Variants in TRAPPC9 observed in about 807,000 individuals in gnomAD.
The protein encoded by TRAPPC9 is trafficking protein particle complex subunit 9, also known as IKK2 binding protein.
In TRAPPC9, 83 loss-of-function variants were observed where a neutral mutation model predicts 124.0. The observed-to-expected ratio is 0.67, with a 90% CI of 0.56 to 0.80. The LOEUF is 0.80. Among genes scored for constraint, TRAPPC9 ranks in the 30% least tolerant of loss-of-function variants. The pLI, the probability that TRAPPC9 is intolerant of heterozygous loss-of-function variation, is 0.00. For missense variants in TRAPPC9, 1,302 were observed against 1,508.3 expected (o/e 0.86, Z 2.27); for synonymous variants, 638 against 617.5 (o/e 1.03, Z -0.49).
intron 19 of TRAPPC9, among the ~76,000 whole-genome samples, chr8:139,952,457 A>T (rs1267798290): frequency 6.6e-6 from 1 of 152,228 alleles, no homozygotes; most frequent in Non-Finnish European, 1.5e-5. Context: ...TTTAAGGAAG[A>T]CTAAAGTAGA....
intron 9 of TRAPPC9, among the ~76,000 whole-genome samples, chr8:140,323,074 G>A (rs973908787): frequency 1.3e-5 from 2 of 152,154 alleles, no homozygotes; most frequent in Admixed American, 6.5e-5. Context: ...CACGGGGGAC[G>A]GGAGAGAGAC....
At chr8:140,352,485 A>G (rs2132130854) in intron 9 of TRAPPC9, among the ~76,000 whole-genome samples, 1 of 152,204 alleles carries the variant, frequency 6.6e-6, no homozygotes, top group South Asian at 2.1e-4. Context: ...TGAACGAGGA[A>G]CTGGCAGCCT....
intron 16 of TRAPPC9, among the ~76,000 whole-genome samples, chr8:140,240,079 T>C (rs2063823146): frequency 1.3e-5 from 2 of 152,244 alleles, no homozygotes; most frequent in African/African-American, 4.8e-5. Context: ...AGTGGAAGCA[T>C]CCGTTATCAT....
intron 18 of TRAPPC9, among the ~76,000 whole-genome samples, chr8:139,992,756 C>T (rs966697556): frequency 6.6e-6 from 1 of 151,094 alleles, no homozygotes; most frequent in Non-Finnish European, 1.5e-5. Flanking sequence ...ACAAAGCAGA[C>T]CCATGAATAT....
chr8:140,132,225 G>A (rs1355615080), intron 17 of TRAPPC9, among the ~76,000 whole-genome samples: 1 of 152,204 alleles, frequency 6.6e-6, no homozygotes, highest in Non-Finnish European at 1.5e-5. Flanking sequence ...TCCAAAGGCT[G>A]CAGAAGTTGG....
At chr8:140,338,332 C>A (rs948014136) in intron 9 of TRAPPC9, among the ~76,000 whole-genome samples, 3 of 152,184 alleles carry the variant, frequency 2.0e-5, no homozygotes, top group Non-Finnish European at 4.4e-5. Flanking sequence ...CGCTCCATTA[C>A]CACTTCCAAA....
chr8:140,253,773 C>A (rs966442007), intron 15 of TRAPPC9, among the ~76,000 whole-genome samples: 6 of 152,128 alleles, frequency 3.9e-5, no homozygotes, highest in Non-Finnish European at 5.9e-5. Flanking sequence ...GGCAAATACA[C>A]CATGGTCTTT....
chr8:139,789,531 G>A (rs894707408), intron 21 of TRAPPC9, among the ~76,000 whole-genome samples: 4 of 152,142 alleles, frequency 2.6e-5, no homozygotes, highest in Non-Finnish European at 4.4e-5. Flanking sequence ...AGGGAGGGGC[G>A]AGTGCCTCTC....
intron 18 of TRAPPC9, chr8:140,008,413 G>C (rs1281545972): frequency 1.3e-5 from 2 of 152,252 alleles, no homozygotes; most frequent in African/African-American, 4.8e-5. Context: ...CGAAGGATTC[G>C]CCGACTGGGC....
chr8:140,374,062 T>C (rs2068363359), intron 7 of TRAPPC9, among the ~76,000 whole-genome samples: 1 of 152,278 alleles, frequency 6.6e-6, no homozygotes, highest in African/African-American at 2.4e-5. Flanking sequence ...TAGTGCCTTC[T>C]ATGTCCTCAT....
At chr8:139,908,158 T>C (rs1227709236) in intron 20 of TRAPPC9, among the ~76,000 whole-genome samples, 5 of 151,340 alleles carry the variant, frequency 3.3e-5, no homozygotes, top group Non-Finnish European at 7.4e-5. Flanking sequence ...GACACAGAGG[T>C]CAAAATCCCA....
chr8:140,346,035 G>A (rs903962831), intron 9 of TRAPPC9, among the ~76,000 whole-genome samples: 5 of 152,244 alleles, frequency 3.3e-5, no homozygotes, highest in East Asian at 1.9e-4. Context: ...AGGGGCTTAC[G>A]GGACTGGAAG....
chr8:139,916,904 A>AATGTATGTG (rs1832170439), intron 19 of TRAPPC9, among the ~76,000 whole-genome samples: 1 of 152,216 alleles, frequency 6.6e-6, no homozygotes, highest in South Asian at 2.1e-4. Flanking sequence ...TAGCTTTCCA[A>AATGTATGTG]ATGTATGTGG....
At chr8:140,091,402 G>A (rs1463160465) in intron 17 of TRAPPC9, among the ~76,000 whole-genome samples, 2 of 152,186 alleles carry the variant, frequency 1.3e-5, no homozygotes, top group Non-Finnish European at 2.9e-5. Context: ...GTTAATAGGA[G>A]GGGTCTCCGT....
chr8:140,055,556 T>C (rs1842246663), intron 17 of TRAPPC9, among the ~76,000 whole-genome samples: 1 of 152,116 alleles, frequency 6.6e-6, no homozygotes, highest in African/African-American at 2.4e-5. Context: ...ATAAAAGGCA[T>C]CCAAATCAGA....
intron 10 of TRAPPC9, among the ~76,000 whole-genome samples, chr8:140,308,471 C>A (rs2066199805): frequency 6.6e-6 from 1 of 151,972 alleles, no homozygotes; most frequent in Non-Finnish European, 1.5e-5. Context: ...CAGGTACGAT[C>A]CACGTGAGGA....
At chr8:140,001,436 AG>A (rs1838398027) in intron 18 of TRAPPC9, among the ~76,000 whole-genome samples, 1 of 152,160 alleles carries the variant, frequency 6.6e-6, no homozygotes. Flanking sequence ...AAATGCTTAA[AG>A]GAAGCATAAG....
At chr8:139,844,363 T>G (rs1826932099) in intron 21 of TRAPPC9, among the ~76,000 whole-genome samples, 1 of 151,964 alleles carries the variant, frequency 6.6e-6, no homozygotes, top group African/African-American at 2.4e-5. Flanking sequence ...GCCCCCTGCT[T>G]TGTCCTCCCC....
rs529428716 is a variant in TRAPPC9 at position 140,163,192 on chromosome 8, C to T, written c.2556+58267G>A. 7.9e-5 allele frequency among the ~76,000 whole-genome samples: 12 copies of T among 152,346 alleles called. No individual in the cohort carries two copies. The South Asian group carries it at 2.5e-3, about 32-fold the overall frequency. ...CAGCCCTGTGCAGAGCTGCTACCCACTCCACAGCCCCCACTCCAGGGCCAT... is the reference window on the plus strand; with the variant it reads ...CAGCCCTGTGCAGAGCTGCTACCCATTCCACAGCCCCCACTCCAGGGCCAT... On this transcript the variant is annotated intron_variant, in intron 17 of 22. Transcript: ENST00000438773.
Sources: allele counts gnomAD v4.1 joint callset (sites outside exome capture counted in the v4.1 genomes callset), GRCh38; gene constraint gnomAD v4.1.1; transcripts MANE v1.5; gene names NCBI Gene and HGNC (gene_info 2026-07-23, HGNC 2026-07-21).